The following CCDC13 variants were observed in gnomAD, a reference collection of about 807,000 sequenced individuals.
CCDC13 encodes coiled-coil domain-containing protein 13.
A neutral mutation model predicts 87.3 loss-of-function variants in CCDC13; 70 were observed. The ratio of observed to expected loss-of-function variants is 0.80; its 90% CI spans 0.66 to 0.98. The LOEUF (loss-of-function observed/expected upper bound fraction) is 0.98, where lower values mean the gene tolerates loss of function less well. Ranked by LOEUF, CCDC13 falls within the 50% of genes least tolerant of loss-of-function variation. The pLI is 0.00. For missense variants in CCDC13, 842 were observed against 892.0 expected (o/e 0.94, Z 0.71); for synonymous variants, 317 against 360.3 (o/e 0.88, Z 1.36).
At position 42,708,897 on chromosome 3, in the gene CCDC13, A is replaced by T; in HGVS notation, c.*83T>A. ...TGGCTGCCCTGGGCTGGCTTCCCGG[A>T]GCAGATGGAGTCCTCAGACAGAGTC... On this transcript the variant is annotated 3_prime_UTR_variant, in exon 16 of 16. Transcript: ENST00000310232. The T allele has an allele frequency of 2.8e-6, 4 of 1,424,456 alleles. No individual in the cohort carries two copies. Among genetic ancestry groups the T allele is most frequent in the Non-Finnish European group, 3.7e-6 (4 of 1,071,746 alleles). 88.2% of individuals were successfully genotyped at this position (1,424,456 alleles called of 1,614,324 possible).
intron 2 of CCDC13, 28 bp downstream of exon 2, chr3:42,758,095 ACC>A: frequency 1.4e-6 from 2 of 1,466,066 alleles, no homozygotes; most frequent in Non-Finnish European, 9.4e-7. Flanking sequence ...ACACACACAC[ACC>A]CCTGAGAGAT....
At chr3:42,755,004 G>A (rs1005173616) in intron 3 of CCDC13, among the ~76,000 whole-genome samples, 1 of 151,954 alleles carries the variant, frequency 6.6e-6, no homozygotes, top group Non-Finnish European at 1.5e-5. Context: ...TAATAGTTGA[G>A]CAAAAAGTAT....
chr3:42,717,318 TG>T (rs1698454040), intron 13 of CCDC13, among the ~76,000 whole-genome samples: 1 of 150,810 alleles, frequency 6.6e-6, no homozygotes. Flanking sequence ...CCCAACTATT[TG>T]GGAGGCTGAG....
At chr3:42,741,169 C>T (rs1015298503) in intron 8 of CCDC13, 1 of 152,206 alleles carries the variant, frequency 6.6e-6, no homozygotes, top group Non-Finnish European at 1.5e-5. Flanking sequence ...CCCTGTCTCC[C>T]TTACCCACCC....
intron 5 of CCDC13, among the ~76,000 whole-genome samples, chr3:42,750,571 G>A (rs534918600): frequency 6.6e-6 from 1 of 152,182 alleles, no homozygotes; most frequent in Non-Finnish European, 1.5e-5. Context: ...AGGTTCAAGC[G>A]ATTCTCATGC....
chr3:42,717,896 G>A (rs1357502534), intron 13 of CCDC13: 1 of 152,208 alleles, frequency 6.6e-6, no homozygotes, highest in Non-Finnish European at 1.5e-5. Context: ...TTGGTTGTCA[G>A]CTCCTAGATT....
intron 6 of CCDC13, 71 bp downstream of exon 6, chr3:42,747,186 T>C (rs761392152): frequency 2.6e-6 from 3 of 1,136,922 alleles, no homozygotes; most frequent in Non-Finnish European, 4.0e-6. Context: ...AGGAATCCAC[T>C]GTGCCAGCCG....
At chr3:42,754,248 C>G (rs780717804) in intron 3 of CCDC13, among the ~76,000 whole-genome samples, 11 of 152,164 alleles carry the variant, frequency 7.2e-5, no homozygotes, top group Non-Finnish European at 1.5e-4. Context: ...CTCCTGCCAG[C>G]CTGGGCGAGG....
At chr3:42,709,232 G>T in intron 15 of CCDC13, 93 bp from the exon 16 acceptor site, 2 of 1,342,730 alleles carry the variant, frequency 1.5e-6, no homozygotes, top group Non-Finnish European at 2.0e-6. Context: ...TGCCAGCATG[G>T]CTGCTCTTCA....
chr3:42,705,626 G>A (rs534344663), downstream of CCDC13, among the ~76,000 whole-genome samples: 2 of 152,224 alleles, frequency 1.3e-5, no homozygotes, highest in South Asian at 2.1e-4. Flanking sequence ...CTACCTCCTC[G>A]TGGATCTGGC....
At chr3:42,767,011 C>T (rs59828834) in intron 1 of CCDC13, among the ~76,000 whole-genome samples, 6,775 of 152,196 alleles carry the variant, frequency 0.045, 311 homozygotes, top group African/African-American at 0.12. Flanking sequence ...ACAAGATGTC[C>T]CTTCTCTCTA....
chr3:42,749,977 C>T (rs1559655989), intron 5 of CCDC13: 1 of 456,214 alleles, frequency 2.2e-6, no homozygotes, highest in African/African-American at 2.0e-5. Context: ...GGAAACATTG[C>T]TTTTGCTCTC....
intron 13 of CCDC13, chr3:42,719,041 T>G (rs572781088): frequency 1.3e-5 from 2 of 151,692 alleles, no homozygotes; most frequent in African/African-American, 4.8e-5. Flanking sequence ...TGTAGGGAGT[T>G]AGTGGTCCTC....
At chr3:42,742,773 A>G in intron 8 of CCDC13, 123 bp downstream of exon 8, 1 of 1,226,066 alleles carries the variant, frequency 8.2e-7, no homozygotes. Context: ...CCAGGTCCCC[A>G]GGTGTCTCCT....
intron 1 of CCDC13, among the ~76,000 whole-genome samples, chr3:42,764,659 T>C (rs1699898056): frequency 1.3e-5 from 2 of 152,192 alleles, no homozygotes; most frequent in South Asian, 4.1e-4. Context: ...TGCTGTGGAT[T>C]AAGCCCAGTG....
At chr3:42,758,097 CCCT>C (rs1699747980) in intron 2 of CCDC13, 25 bp downstream of exon 2, 7 of 1,221,942 alleles carry the variant, frequency 5.7e-6, no homozygotes, top group Middle Eastern at 2.2e-4. Flanking sequence ...ACACACACAC[CCCT>C]GAGAGATTTC....
chr3:42,721,964 C>G (rs957585661), intron 13 of CCDC13, among the ~76,000 whole-genome samples: 2 of 152,188 alleles, frequency 1.3e-5, no homozygotes, highest in East Asian at 3.9e-4. Context: ...GGCTAGCAAC[C>G]CCATATCAGC....
rs78668283 is a variant in CCDC13, at chr3:42,749,484, G to A, written c.604-2111C>T. 4.9e-3 allele frequency among the ~76,000 whole-genome samples: 746 copies of A among 152,350 alleles called. 7 individuals carry two copies. The highest frequency in any genetic ancestry group is 0.017 in the African/African-American group (718 of 41,582). ...TCCAGGGAACCTGAGAGGGTTGCTAGGACAACGCATGTCAAGGGTGCTGTC... is the reference window on the plus strand; with the variant it reads ...TCCAGGGAACCTGAGAGGGTTGCTAAGACAACGCATGTCAAGGGTGCTGTC... On this transcript the variant is annotated intron_variant, in intron 5 of 15. Coordinates refer to ENST00000310232, the MANE Select transcript of CCDC13 (RefSeq NM_144719.4).
rs149454419 is a variant in CCDC13, at chr3:42,706,806, T to C, written c.*2174A>G. The C allele has an allele frequency of 1.3e-5, 2 of 152,362 alleles. No individual in the cohort carries two copies. Among genetic ancestry groups the C allele is most frequent in the African/African-American group, 4.8e-5 (2 of 41,578 alleles). The allele number at this position is 152,362 out of a possible 1,614,324, so 9.4% of individuals were successfully genotyped here. On this transcript the variant is annotated 3_prime_UTR_variant, in exon 16 of 16. Coordinates refer to ENST00000310232, the MANE Select transcript of CCDC13 (RefSeq NM_144719.4). The stretch of plus-strand genomic sequence containing the variant: ...AACGTCTTTGGGTTATTCTTTGACA[T>C]ACATATTAATAACAGCCCCCTGAGG...
Sources: allele counts gnomAD v4.1 joint callset (sites outside exome capture counted in the v4.1 genomes callset), GRCh38; gene constraint gnomAD v4.1.1; transcripts MANE v1.5; gene names NCBI Gene and HGNC (gene_info 2026-07-23, HGNC 2026-07-21).